The following CDH13 variants were observed in gnomAD, a reference collection of about 807,000 sequenced individuals.
CDH13 encodes the protein cadherin 13.
A neutral mutation model predicts 63.8 loss-of-function variants in CDH13; 24 were observed. That is an observed-to-expected ratio of 0.38 (90% CI 0.27 to 0.53). CDH13 has a LOEUF of 0.53. Ranked by LOEUF, CDH13 falls within the 20% of genes least tolerant of loss-of-function variation. The probability of loss-of-function intolerance (pLI) is 0.85; values close to 1 mark genes in which losing one functional copy is unlikely to be tolerated. For synonymous variants in CDH13, 503 were observed against 355.3 expected (o/e 1.42, Z -4.67); for missense variants, 1,049 against 903.1 (o/e 1.16, Z -2.07).
At chr16:83,104,831 C>A (rs1441714829) in intron 3 of CDH13, among the ~76,000 whole-genome samples, 1 of 152,068 alleles carries the variant, frequency 6.6e-6, no homozygotes, top group East Asian at 1.9e-4. Context: ...CAAAAACAAG[C>A]CATGTAGATA....
At chr16:83,785,296 C>G (rs1185574049) in intron 13 of CDH13, among the ~76,000 whole-genome samples, 1 of 152,076 alleles carries the variant, frequency 6.6e-6, no homozygotes, top group East Asian at 1.9e-4. Context: ...TAGTGAAAGC[C>G]CACATTCTGG....
At chr16:83,394,930 C>G (rs567464889) in intron 6 of CDH13, among the ~76,000 whole-genome samples, 1 of 152,040 alleles carries the variant, frequency 6.6e-6, no homozygotes, top group Non-Finnish European at 1.5e-5. Flanking sequence ...GGCGGATCAC[C>G]TGTGGTCAGG....
intron 6 of CDH13, among the ~76,000 whole-genome samples, chr16:83,345,681 C>A (rs1473868295): frequency 1.3e-5 from 2 of 152,102 alleles, no homozygotes; most frequent in Non-Finnish European, 2.9e-5. Flanking sequence ...TAAAGTATCC[C>A]ACAGCCAGCA....
chr16:82,712,659 C>T (rs1160912479), intron 1 of CDH13, among the ~76,000 whole-genome samples: 13 of 152,116 alleles, frequency 8.5e-5, no homozygotes, highest in Admixed American at 8.5e-4. Context: ...TGTTTAATTC[C>T]CCTGCCCCTT....
chr16:83,781,307 T>C (rs1915503588), intron 12 of CDH13, among the ~76,000 whole-genome samples: 1 of 152,124 alleles, frequency 6.6e-6, no homozygotes, highest in African/African-American at 2.4e-5. Flanking sequence ...CACCTTGTCT[T>C]CCAATAAAGT....
intron 6 of CDH13, among the ~76,000 whole-genome samples, chr16:83,394,257 A>AC (rs1196465281): frequency 4.6e-5 from 7 of 152,008 alleles, no homozygotes; most frequent in Non-Finnish European, 7.4e-5. Context: ...TTAAAAAAAA[A>AC]AAACAAAAAA....
At chr16:83,349,390 G>C (rs2090904534) in intron 6 of CDH13, among the ~76,000 whole-genome samples, 1 of 152,118 alleles carries the variant, frequency 6.6e-6, no homozygotes, top group Admixed American at 6.5e-5. Context: ...ATCAATTCAT[G>C]GGTGTTTTGC....
At chr16:82,986,564 G>A (rs371881398) in intron 2 of CDH13, among the ~76,000 whole-genome samples, 2 of 152,178 alleles carry the variant, frequency 1.3e-5, no homozygotes, top group African/African-American at 4.8e-5. Flanking sequence ...GCTGCTCTAA[G>A]CTGGGCCTCT....
intron 1 of CDH13, chr16:82,719,557 C>T (rs896295017): frequency 2.5e-6 from 1 of 406,440 alleles, no homozygotes; most frequent in Non-Finnish European, 4.9e-6. Flanking sequence ...TTGATTAAAA[C>T]AAGTTAGGAT....
At chr16:83,182,521 A>G (rs1042414333) in intron 4 of CDH13, among the ~76,000 whole-genome samples, 2 of 152,232 alleles carry the variant, frequency 1.3e-5, no homozygotes, top group African/African-American at 4.8e-5. Context: ...TGAAGTTCAT[A>G]ACTGCCACCA....
intron 3 of CDH13, among the ~76,000 whole-genome samples, chr16:83,095,000 A>T (rs2034124266): frequency 6.6e-6 from 1 of 152,206 alleles, no homozygotes; most frequent in Non-Finnish European, 1.5e-5. Flanking sequence ...TCATCAGAGC[A>T]GTATCTGCAG....
chr16:83,676,775 G>C (rs1278969584), intron 9 of CDH13, among the ~76,000 whole-genome samples: 1 of 152,222 alleles, frequency 6.6e-6, no homozygotes, highest in Non-Finnish European at 1.5e-5. Context: ...ACTCTCCCAT[G>C]TGTGGCGTGC....
chr16:83,388,195 T>A (rs1275443189), intron 6 of CDH13, among the ~76,000 whole-genome samples: 1 of 151,344 alleles, frequency 6.6e-6, no homozygotes, highest in African/African-American at 2.4e-5. Context: ...GGCTTATGGC[T>A]GTGATCTCAG....
chr16:83,442,351 C>T (rs1447587078), intron 6 of CDH13, among the ~76,000 whole-genome samples: 1 of 152,166 alleles, frequency 6.6e-6, no homozygotes, highest in African/African-American at 2.4e-5. Context: ...CCACATCCTG[C>T]CTCCCACCTC....
chr16:83,191,469 A>G (rs1438022267), intron 4 of CDH13, among the ~76,000 whole-genome samples: 1 of 116,980 alleles, frequency 8.5e-6, no homozygotes, highest in Non-Finnish European at 1.8e-5. Flanking sequence ...ATATATATAT[A>G]TATATATATA....
intron 7 of CDH13, among the ~76,000 whole-genome samples, chr16:83,528,683 C>A (rs2075016027): frequency 1.3e-5 from 2 of 152,212 alleles, no homozygotes; most frequent in African/African-American, 4.8e-5. Flanking sequence ...TCTCTAAATT[C>A]TCTGACAGTG....
At chr16:83,052,855 A>G (rs2030524418) in intron 3 of CDH13, among the ~76,000 whole-genome samples, 1 of 152,130 alleles carries the variant, frequency 6.6e-6, no homozygotes, top group African/African-American at 2.4e-5. Context: ...ATCATCAGCA[A>G]TGATTAATAA....
chr16:83,555,571 G>C (rs972754634), intron 7 of CDH13, among the ~76,000 whole-genome samples: 2 of 152,328 alleles, frequency 1.3e-5, no homozygotes, highest in African/African-American at 4.8e-5. Context: ...TTTTAGAAGA[G>C]GGATTTCCAG....
intron 6 of CDH13, among the ~76,000 whole-genome samples, chr16:83,406,663 A>G (rs2092052576): frequency 6.6e-6 from 1 of 151,926 alleles, no homozygotes; most frequent in African/African-American, 2.4e-5. Flanking sequence ...ATGGGGTTTC[A>G]CCATATTGGT....
Sources: gnomAD v4.1 joint callset for allele counts (sites outside exome capture counted in the v4.1 genomes callset) on GRCh38, gnomAD v4.1.1 for gene constraint, MANE v1.5 for transcripts, NCBI Gene and HGNC (gene_info 2026-07-23, HGNC 2026-07-21) for gene names.